NME7: variants seen among roughly 807,000 people sequenced by gnomAD.
NME7 encodes nucleoside diphosphate kinase 7.
Under a neutral mutation model 49.1 loss-of-function variants are expected in NME7, and 41 were observed. The ratio of observed to expected loss-of-function variants is 0.83; its 90% CI spans 0.65 to 1.08. NME7 has a LOEUF of 1.08. NME7 is among the 50% of genes least tolerant of loss of function. The pLI is 0.00. For synonymous variants in NME7, 139 were observed against 150.6 expected (o/e 0.92, Z 0.56); for missense variants, 423 against 463.4 (o/e 0.91, Z 0.80).
chr1:169,302,567 CAAT>C (rs1177084984), intron 5 of NME7, among the ~76,000 whole-genome samples: 1 of 151,998 alleles, frequency 6.6e-6, no homozygotes, highest in Non-Finnish European at 1.5e-5. Context: ...TACTCATGGA[CAAT>C]AATATCTATT....
chr1:169,350,387 A>G (rs1015622885), intron 1 of NME7, among the ~76,000 whole-genome samples: 8 of 152,032 alleles, frequency 5.3e-5, no homozygotes, highest in African/African-American at 1.4e-4. Flanking sequence ...TAAATTCCCA[A>G]TGCATGTCTT....
intron 9 of NME7, 124 bp from the exon 10 acceptor site, chr1:169,230,943 A>G: frequency 1.9e-6 from 1 of 539,400 alleles, no homozygotes; most frequent in Non-Finnish European, 3.1e-6. Flanking sequence ...CTTATATCCC[A>G]CATATCAAGC....
intron 10 of NME7, among the ~76,000 whole-genome samples, chr1:169,203,398 G>T (rs1290089058): frequency 6.6e-6 from 1 of 152,050 alleles, no homozygotes; most frequent in Non-Finnish European, 1.5e-5. Flanking sequence ...CTCACTCTTT[G>T]TGTCCACGCT....
At chr1:169,266,664 C>T (rs1460810275) in intron 7 of NME7, among the ~76,000 whole-genome samples, 2 of 133,562 alleles carry the variant, frequency 1.5e-5, no homozygotes, top group African/African-American at 5.1e-5. Context: ...CAACCTATCC[C>T]TGTTTGAAGA....
At chr1:169,352,881 A>T (rs1448077281) in intron 1 of NME7, among the ~76,000 whole-genome samples, 1 of 152,068 alleles carries the variant, frequency 6.6e-6, no homozygotes, top group East Asian at 1.9e-4. Context: ...AAAACTTTAA[A>T]ACACAGATAA....
chr1:169,340,331 GC>G (rs1652640585), intron 1 of NME7, among the ~76,000 whole-genome samples: 1 of 152,194 alleles, frequency 6.6e-6, no homozygotes, highest in Admixed American at 6.5e-5. Context: ...GAAGATGCCT[GC>G]TTCCCTTTTG....
intron 1 of NME7, among the ~76,000 whole-genome samples, chr1:169,358,462 A>G (rs1030367830): frequency 6.6e-6 from 1 of 152,100 alleles, no homozygotes; most frequent in African/African-American, 2.4e-5. Context: ...TTTGTACTTC[A>G]ACAAGCTACA....
At chr1:169,233,519 G>A (rs1180355551) in intron 9 of NME7, among the ~76,000 whole-genome samples, 4 of 152,024 alleles carry the variant, frequency 2.6e-5, no homozygotes, top group Non-Finnish European at 4.4e-5. Context: ...GAGGATTTAC[G>A]ATACACAACA....
At chr1:169,290,281 T>G (rs1188936059) in intron 6 of NME7, among the ~76,000 whole-genome samples, 3 of 152,046 alleles carry the variant, frequency 2.0e-5, no homozygotes, top group African/African-American at 7.2e-5. Flanking sequence ...TAATTTAAAA[T>G]GAATATCATT....
At chr1:169,250,795 T>C (rs953643510) in intron 7 of NME7, among the ~76,000 whole-genome samples, 3 of 152,094 alleles carry the variant, frequency 2.0e-5, no homozygotes, top group Non-Finnish European at 4.4e-5. Flanking sequence ...AGGGTTACTT[T>C]TGGAGTTGAT....
intron 10 of NME7, among the ~76,000 whole-genome samples, chr1:169,185,563 T>C (rs919348838): frequency 2.8e-4 from 42 of 152,190 alleles, no homozygotes; most frequent in African/African-American, 9.9e-4. Context: ...TCTTCTTTTC[T>C]GGTCAATGAA....
chr1:169,340,637 G>T (rs775284982), intron 1 of NME7, among the ~76,000 whole-genome samples: 15 of 152,214 alleles, frequency 9.9e-5, no homozygotes, highest in Non-Finnish European at 2.1e-4. Context: ...TTGTTGAATG[G>T]TTTTGACCAA....
chr1:169,292,448 A>G (rs186087446), intron 6 of NME7, among the ~76,000 whole-genome samples: 13 of 152,330 alleles, frequency 8.5e-5, no homozygotes, highest in Admixed American at 6.5e-4. Flanking sequence ...ATTTGTATGC[A>G]TAATATAAAG....
chr1:169,255,784 G>A (rs1217319898), intron 7 of NME7, among the ~76,000 whole-genome samples: 13 of 128,358 alleles, frequency 1.0e-4, no homozygotes, highest in Admixed American at 6.9e-4. Context: ...CTCAGCATTT[G>A]CTTGTCTGTA....
At chr1:169,169,157 C>A in intron 11 of NME7, 5 of 368,712 alleles carry the variant, frequency 1.4e-5, no homozygotes, top group East Asian at 7.0e-5. Context: ...ATCAGATGGC[C>A]AAGTAACAGA....
intron 11 of NME7, among the ~76,000 whole-genome samples, chr1:169,152,812 T>G (rs1192157782): frequency 6.6e-6 from 1 of 152,118 alleles, no homozygotes; most frequent in African/African-American, 2.4e-5. Flanking sequence ...TGCTGCTTGG[T>G]TAAAGTTTTG....
chr1:169,170,959 G>A (rs1475349229), intron 10 of NME7, among the ~76,000 whole-genome samples: 1 of 152,044 alleles, frequency 6.6e-6, no homozygotes, highest in Non-Finnish European at 1.5e-5. Context: ...TGCTTATATA[G>A]TGGGAAGCTG....
intron 10 of NME7, 143 bp from the exon 11 acceptor site, chr1:169,169,697 T>C: frequency 1.6e-6 from 1 of 644,840 alleles, no homozygotes; most frequent in Non-Finnish European, 2.6e-6. Context: ...TGTGGCCCAA[T>C]GTAAAGTCTG....
intron 4 of NME7, among the ~76,000 whole-genome samples, chr1:169,304,595 AGC>A (rs567818089): frequency 1.8e-4 from 27 of 152,234 alleles, no homozygotes; most frequent in Non-Finnish European, 3.5e-4. Flanking sequence ...AATTTTCTAG[AGC>A]CAATTATAGC....
Sources: allele counts gnomAD v4.1 joint callset (sites outside exome capture counted in the v4.1 genomes callset), GRCh38; gene constraint gnomAD v4.1.1; transcripts MANE v1.5; gene names NCBI Gene and HGNC (gene_info 2026-07-23, HGNC 2026-07-21).